Variants in ESR1 observed in about 807,000 individuals in gnomAD.
ESR1 encodes estrogen receptor 1, also known as estrogen receptor.
In ESR1, 12 loss-of-function variants were observed where a neutral mutation model predicts 52.7. That is an observed-to-expected ratio of 0.23 (90% CI 0.15 to 0.37). The LOEUF (loss-of-function observed/expected upper bound fraction) is 0.37. ESR1 is among the 10% of genes least tolerant of loss of function. The pLI is 1.00. For missense variants in ESR1, 584 were observed against 779.7 expected, an observed-to-expected ratio of 0.75 and a Z score of 2.99; for synonymous variants, 305 against 316.8, an observed-to-expected ratio of 0.96 and a Z score of 0.39.
At chr6:151,807,581 T>C (rs943552850), upstream of ESR1, 2 of 471,156 alleles carry the variant, frequency 4.2e-6, no homozygotes, top group Non-Finnish European at 7.9e-6. Flanking sequence ...TTTAAGCCAA[T>C]GTCAGGGCAA....
At chr6:151,911,669 C>T (rs1216880207) in intron 3 of ESR1, among the ~76,000 whole-genome samples, 1 of 152,210 alleles carries the variant, frequency 6.6e-6, no homozygotes, top group Non-Finnish European at 1.5e-5. Context: ...GCCAGAAAGA[C>T]TGATCCTTGG....
At chr6:151,789,381 A>C (rs1456847085) in intron 2 of ESR1, among the ~76,000 whole-genome samples, 1 of 152,182 alleles carries the variant, frequency 6.6e-6, no homozygotes, top group African/African-American at 2.4e-5. Context: ...ATAGCACACT[A>C]TGTATTTTAT....
chr6:152,067,058 T>G (rs146130647), intron 6 of ESR1, among the ~76,000 whole-genome samples: 100 of 152,294 alleles, frequency 6.6e-4, no homozygotes, highest in Admixed American at 1.1e-3. Context: ...ATTACTCTGT[T>G]CTTCTTAGCA....
intron 4 of ESR1, among the ~76,000 whole-genome samples, chr6:151,978,558 A>G (rs955332693): frequency 6.6e-6 from 1 of 152,148 alleles, no homozygotes; most frequent in Non-Finnish European, 1.5e-5. Context: ...ATTTCACACC[A>G]AGATCCATCT....
chr6:152,089,335 A>G (rs772625269), intron 6 of ESR1, among the ~76,000 whole-genome samples: 25 of 152,164 alleles, frequency 1.6e-4, no homozygotes, highest in Non-Finnish European at 3.2e-4. Flanking sequence ...AGAGTCTTAC[A>G]TCTCCTCTCT....
At chr6:151,968,338 T>C (rs1231303920) in intron 4 of ESR1, among the ~76,000 whole-genome samples, 16 of 152,166 alleles carry the variant, frequency 1.1e-4, no homozygotes. Flanking sequence ...ACCTAGGCAG[T>C]ACAATTCAGG....
intron 5 of ESR1, among the ~76,000 whole-genome samples, chr6:152,033,104 C>T (rs1223489898): frequency 6.6e-6 from 1 of 152,124 alleles, no homozygotes; most frequent in Non-Finnish European, 1.5e-5. Context: ...AAAGCTGAAA[C>T]TGGATCCCTT....
chr6:151,737,625 C>A (rs1175889749), intron 2 of ESR1, among the ~76,000 whole-genome samples: 1 of 152,136 alleles, frequency 6.6e-6, no homozygotes, highest in Non-Finnish European at 1.5e-5. Context: ...ACCTTCAGCA[C>A]CTGCCTCCCA....
In ESR1 at chr6:151,944,216, G is replaced by C. The variant is rs773053713; in HGVS notation, c.804G>C (p.Lys268Asn). Reference protein sequence around the residue: ...DRRGGRMLKHKRQRDDGEGRG... With the variant: ...DRRGGRMLKHNRQRDDGEGRG... ...GAGGAGGGAGAATGTTGAAACACAA[G>C]CGCCAGAGAGATGATGGGGAGGGCA... Residue 268 changes from lysine to asparagine, a missense_variant, in exon 4 of 8, where the codon AAG becomes AAC. Around this residue, in one of 6 missense-constraint regions of ESR1, gnomAD observed 88 missense variants for 88.3 expected, o/e 1.00. Coordinates refer to ENST00000206249, the MANE Select transcript of ESR1 (RefSeq NM_000125.4). 4.4e-5 allele frequency: 71 copies of C among 1,613,964 alleles called. No homozygotes were observed. The highest frequency in any genetic ancestry group is 9.3e-6 in the Non-Finnish European group (11 of 1,180,018).
chr6:151,789,575 G>A (rs1787330889), intron 2 of ESR1, among the ~76,000 whole-genome samples: 1 of 152,182 alleles, frequency 6.6e-6, no homozygotes, highest in East Asian at 1.9e-4. Context: ...ATGCTGAAAA[G>A]CAGGACCCAT....
At chr6:151,731,553 C>T (rs985136081) in intron 2 of ESR1, among the ~76,000 whole-genome samples, 4 of 152,066 alleles carry the variant, frequency 2.6e-5, no homozygotes, top group Non-Finnish European at 5.9e-5. Flanking sequence ...CTGCCTCGTG[C>T]CAGGTCAGCT....
rs190947905 is a variant in ESR1 at position 151,840,472 on chromosome 6, A to G, written c.453-2125A>G. ...GAACTAAGTTATTTAGAATGGACGA[A>G]ATTGGCAAAGTCAGACGTACTCAAC... On this transcript the variant is annotated intron_variant, in intron 1 of 7. Coordinates refer to ENST00000206249, the MANE Select transcript of ESR1 (RefSeq NM_000125.4). Among the ~76,000 whole-genome samples, 15 of 152,316 alleles carry G rather than the reference A, an allele frequency of 9.8e-5. No homozygotes were observed. The East Asian group carries it at 2.9e-3, about 29-fold the overall frequency.
chr6:151,873,233 C>T (rs902826554), intron 2 of ESR1, among the ~76,000 whole-genome samples: 2 of 152,178 alleles, frequency 1.3e-5, no homozygotes, highest in African/African-American at 4.8e-5. Flanking sequence ...GGTTCAAAAC[C>T]CATCTGCCAC....
chr6:151,977,101 G>A (rs1432802909), intron 4 of ESR1, among the ~76,000 whole-genome samples: 2 of 152,098 alleles, frequency 1.3e-5, no homozygotes, highest in African/African-American at 2.4e-5. Flanking sequence ...TGGCAAGAAA[G>A]TATGCCATTG....
intron 4 of ESR1, among the ~76,000 whole-genome samples, chr6:151,967,200 A>G (rs1326570091): frequency 6.6e-6 from 1 of 152,066 alleles, no homozygotes; most frequent in Non-Finnish European, 1.5e-5. Flanking sequence ...TTTTTTAATT[A>G]TACTGTAAGT....
rs927393319 is a variant in ESR1 at position 152,102,496 on chromosome 6, A to G, written c.*3530A>G. 20 of 209,504 alleles carry G rather than the reference A, an allele frequency of 9.5e-5. No homozygotes were observed. The highest frequency in any genetic ancestry group is 8.8e-4 in the Admixed American group (15 of 17,004). 13.0% of individuals were successfully genotyped at this position (209,504 alleles called of 1,614,324 possible). ...AGGCAACCATAATTCTCTTTGGTGCAGGTCTTGGGAGCGTGATCTAGATTA... is the reference window on the plus strand; with the variant it reads ...AGGCAACCATAATTCTCTTTGGTGCGGGTCTTGGGAGCGTGATCTAGATTA... On this transcript the variant is annotated 3_prime_UTR_variant, in exon 8 of 8. Transcript: ENST00000206249.
chr6:152,057,004 A>T (rs1230912808), intron 5 of ESR1, among the ~76,000 whole-genome samples: 1 of 152,150 alleles, frequency 6.6e-6, no homozygotes, highest in Non-Finnish European at 1.5e-5. Flanking sequence ...TGATCCATCC[A>T]TACCCACTGA....
intron 4 of ESR1, among the ~76,000 whole-genome samples, chr6:151,991,131 C>T (rs2040970937): frequency 6.6e-6 from 1 of 152,104 alleles, no homozygotes; most frequent in Non-Finnish European, 1.5e-5. Context: ...AAGCCCATTT[C>T]ACTTGGCTCT....
chr6:151,767,095 C>A (rs1277802630), intron 2 of ESR1, among the ~76,000 whole-genome samples: 1 of 152,092 alleles, frequency 6.6e-6, no homozygotes, highest in Non-Finnish European at 1.5e-5. Context: ...CTATTCAGAT[C>A]ATTCTTTCAT....
Sources: allele counts gnomAD v4.1 joint callset (sites outside exome capture counted in the v4.1 genomes callset), GRCh38; gene constraint gnomAD v4.1.1; regional missense constraint gnomAD v4.1.1; transcripts MANE v1.5; gene names NCBI Gene and HGNC (gene_info 2026-07-23, HGNC 2026-07-21).